Variants in AUTS2 observed in about 807,000 individuals in gnomAD.
The protein encoded by AUTS2 is autism susceptibility gene 2 protein.
AUTS2 carries 17 observed loss-of-function variants against 112.4 expected under a neutral mutation model. The ratio of observed to expected loss-of-function variants is 0.15; its 90% CI spans 0.10 to 0.23. AUTS2 has a LOEUF of 0.23. Among genes scored for constraint, AUTS2 ranks in the 10% least tolerant of loss-of-function variants. The probability of loss-of-function intolerance (pLI) is 1.00; values close to 1 mark genes in which losing one functional copy is unlikely to be tolerated. For missense variants in AUTS2, 1,510 were observed against 1,701.6 expected, an observed-to-expected ratio of 0.89 and a Z score of 1.98; for synonymous variants, 751 against 702.7, an observed-to-expected ratio of 1.07 and a Z score of -1.09.
chr7:69,984,406 C>CAA (rs34689325), intron 2 of AUTS2, among the ~76,000 whole-genome samples: 1,917 of 80,302 alleles, frequency 0.024, 70 homozygotes, highest in African/African-American at 0.062. Flanking sequence ...GACTCTGTCT[C>CAA]AAAAAAAAAA....
chr7:70,449,829 A>G (rs1373984627), intron 5 of AUTS2, among the ~76,000 whole-genome samples: 1 of 152,188 alleles, frequency 6.6e-6, no homozygotes, highest in African/African-American at 2.4e-5. Context: ...TCATGTGTAC[A>G]TGCACTTAGA....
chr7:70,522,164 A>G (rs1407716371), intron 5 of AUTS2, among the ~76,000 whole-genome samples: 1 of 152,214 alleles, frequency 6.6e-6, no homozygotes, highest in African/African-American at 2.4e-5. Context: ...GTGCATTTTT[A>G]CTTATTTATA....
intron 5 of AUTS2, among the ~76,000 whole-genome samples, chr7:70,541,774 A>G (rs554188996): frequency 6.6e-6 from 1 of 152,334 alleles, no homozygotes; most frequent in South Asian, 2.1e-4. Context: ...GCGTAGAGGA[A>G]AGGTGCTTCA....
chr7:70,010,223 GCAGCCCTGACCTC>G (rs999393080), intron 2 of AUTS2, among the ~76,000 whole-genome samples: 4 of 152,020 alleles, frequency 2.6e-5, no homozygotes, highest in Non-Finnish European at 5.9e-5. Flanking sequence ...ACAGCTCACT[GCAGCCCTGACCTC>G]CTGGGCTCAA....
At chr7:70,557,720 C>A (rs1409668169) in intron 5 of AUTS2, among the ~76,000 whole-genome samples, 1 of 152,144 alleles carries the variant, frequency 6.6e-6, no homozygotes, top group Non-Finnish European at 1.5e-5. Context: ...CCTCAAGTCC[C>A]GGAGGCTGCT....
intron 2 of AUTS2, among the ~76,000 whole-genome samples, chr7:70,065,758 T>C (rs575773198): frequency 7.8e-4 from 119 of 152,266 alleles, no homozygotes; most frequent in Non-Finnish European, 1.4e-3. Context: ...CAGTCTAGAA[T>C]GCAGTGGCAC....
chr7:69,669,471 A>G (rs938899081), intron 1 of AUTS2, among the ~76,000 whole-genome samples: 3 of 152,172 alleles, frequency 2.0e-5, no homozygotes, highest in Non-Finnish European at 4.4e-5. Flanking sequence ...AGCCATATAG[A>G]GTACCATTGT....
At chr7:70,568,046 T>G (rs753601179) in intron 5 of AUTS2, among the ~76,000 whole-genome samples, 1 of 152,210 alleles carries the variant, frequency 6.6e-6, no homozygotes, top group Non-Finnish European at 1.5e-5. Flanking sequence ...GCTTAGCAAA[T>G]GTTGCAGAAA....
At chr7:70,120,457 C>A (rs925472427) in intron 3 of AUTS2, 5 of 152,060 alleles carry the variant, frequency 3.3e-5, no homozygotes, top group African/African-American at 4.8e-5. Context: ...AGCTATACAA[C>A]CATAAAACCA....
At chr7:70,107,382 T>C (rs959561018) in intron 2 of AUTS2, among the ~76,000 whole-genome samples, 6 of 146,464 alleles carry the variant, frequency 4.1e-5, no homozygotes, top group African/African-American at 1.5e-4. Context: ...TCTAGCTCTT[T>C]CGCCAGGCTG....
At chr7:70,690,071 C>T (rs1370107003) in intron 5 of AUTS2, among the ~76,000 whole-genome samples, 1 of 152,198 alleles carries the variant, frequency 6.6e-6, no homozygotes, top group African/African-American at 2.4e-5. Flanking sequence ...CTGATGAAGG[C>T]CCCAAGAGGT....
chr7:70,763,324 A>C lies in AUTS2; in HGVS notation c.1197A>C (p.Leu399Phe). The C allele has an allele frequency of 6.3e-7, 1 of 1,577,508 alleles. No individual in the cohort carries two copies. Among genetic ancestry groups the C allele is most frequent in the Non-Finnish European group, 8.6e-7 (1 of 1,159,994 alleles). The part of the protein sequence containing the change: ...QPLSAYNSSS[L>F]SLNSLSSSRS... ...TGTCAGCCTACAACAGCAGTAGCTT[A>C]AGCCTCAACAGTTTAAGGTGAGTGG... The change falls in exon 7 of 19, where the codon TTA becomes TTC. Residue 399 changes from leucine to phenylalanine, a missense_variant. Leu to Phe is a conservative substitution (Grantham distance 22, BLOSUM62 0). Around this residue, in one of 3 missense-constraint regions of AUTS2, gnomAD observed 535 missense variants for 594.3 expected, o/e 0.90. Coordinates refer to ENST00000342771, the MANE Select transcript of AUTS2 (RefSeq NM_015570.4).
At chr7:70,418,398 A>G (rs1795080166) in intron 4 of AUTS2, among the ~76,000 whole-genome samples, 1 of 152,220 alleles carries the variant, frequency 6.6e-6, no homozygotes, top group South Asian at 2.1e-4. Context: ...TAGGGGCTCC[A>G]TATTATTATT....
intron 1 of AUTS2, among the ~76,000 whole-genome samples, chr7:69,885,447 T>C (rs937040915): frequency 6.6e-6 from 1 of 152,232 alleles, no homozygotes; most frequent in African/African-American, 2.4e-5. Context: ...GCTATTTGAC[T>C]TAGGAGGCAT....
chr7:70,118,200 C>T lies in AUTS2; in HGVS notation c.591C>T (p.Phe197=), dbSNP rs745454424. ...SESASGESKG[F]HRSSSRERLS... is the part of the protein sequence containing the mutation. ...GTGCCAGTGGAGAATCCAAGGGCTT[C>T]CACCGGAGCAGCTCTCGGGAAAGGC... The change falls in exon 3 of 19, where the codon TTC becomes TTT. Residue 197 remains phenylalanine (F), a synonymous_variant. Transcript: ENST00000342771. 3 of 1,608,870 alleles carry T rather than the reference C, an allele frequency of 1.9e-6. No individual in the cohort carries two copies. Among genetic ancestry groups the T allele is most frequent in the Non-Finnish European group, 1.7e-6 (2 of 1,178,400 alleles).
At chr7:69,810,872 A>T (rs1171918001) in intron 1 of AUTS2, among the ~76,000 whole-genome samples, 1 of 152,248 alleles carries the variant, frequency 6.6e-6, no homozygotes, top group African/African-American at 2.4e-5. Context: ...AACGTGAAAT[A>T]AAATGACAAT....
At chr7:70,163,964 G>A (rs990960047) in intron 4 of AUTS2, among the ~76,000 whole-genome samples, 1 of 152,110 alleles carries the variant, frequency 6.6e-6, no homozygotes, top group African/African-American at 2.4e-5. Context: ...CAAAGAAACA[G>A]TAACAGGCTT....
intron 6 of AUTS2, among the ~76,000 whole-genome samples, chr7:70,738,780 CAT>C (rs1231759583): frequency 1.3e-5 from 2 of 152,130 alleles, no homozygotes; most frequent in Non-Finnish European, 2.9e-5. Flanking sequence ...GAAAGTTAAT[CAT>C]GTGGTTTTTC....
intron 1 of AUTS2, among the ~76,000 whole-genome samples, chr7:69,668,337 A>C (rs934792353): frequency 1.3e-5 from 2 of 152,234 alleles, no homozygotes; most frequent in Admixed American, 6.5e-5. Flanking sequence ...AGTAATTCCC[A>C]GTGGTCATTC....
Sources: allele counts gnomAD v4.1 joint callset (sites outside exome capture counted in the v4.1 genomes callset), GRCh38; gene constraint gnomAD v4.1.1; regional missense constraint gnomAD v4.1.1; transcripts MANE v1.5; gene names NCBI Gene and HGNC (gene_info 2026-07-23, HGNC 2026-07-21).